The following BTBD8 variants were observed in gnomAD, a reference collection of about 807,000 sequenced individuals.
The protein encoded by BTBD8 is BTB/POZ domain-containing protein 8.
A neutral mutation model predicts 162.9 loss-of-function variants in BTBD8; 110 were observed. That is an observed-to-expected ratio of 0.68 (90% CI 0.58 to 0.79). The LOEUF is 0.79. Ranked by LOEUF, BTBD8 falls within the 30% of genes least tolerant of loss-of-function variation. BTBD8 has a pLI of 0.00. For synonymous variants in BTBD8, 667 were observed against 716.1 expected (o/e 0.93, Z 1.10); for missense variants, 1,905 against 2,085.4 (o/e 0.91, Z 1.68).
intron 4 of BTBD8, among the ~76,000 whole-genome samples, chr1:92,118,523 G>T (rs1649104587): frequency 6.6e-6 from 1 of 151,710 alleles, no homozygotes; most frequent in African/African-American, 2.4e-5. Flanking sequence ...TTTTCATCTG[G>T]TTTCTCCACT....
intron 3 of BTBD8, among the ~76,000 whole-genome samples, chr1:92,107,256 C>G (rs906552969): frequency 6.6e-6 from 1 of 151,590 alleles, no homozygotes; most frequent in African/African-American, 2.4e-5. Context: ...CATAAAGAGG[C>G]TTCATTTTTG....
chr1:92,124,271 T>A (rs377487451), intron 4 of BTBD8, among the ~76,000 whole-genome samples: 1 of 152,238 alleles, frequency 6.6e-6, no homozygotes, highest in Non-Finnish European at 1.5e-5. Flanking sequence ...TTTTTTTGCT[T>A]CTTTTCTTAA....
Position 92,180,774 on chromosome 1 carries a change from A to G in BTBD8, c.3091A>G (p.Ile1031Val), listed in dbSNP as rs1214009668. 1.9e-6 allele frequency: 3 copies of G among 1,551,664 alleles called. No homozygotes were observed. The highest frequency in any genetic ancestry group is 1.7e-4 in the Middle Eastern group (1 of 6,014). ...KEKLALECQN[I>V]SKLDKSLKHE... Reference sequence around the variant, plus strand: ...GAAGTTGGCGTTAGAATGCCAAAATATTTCAAAGCTGGATAAATCATTAAA... The same window carrying G: ...GAAGTTGGCGTTAGAATGCCAAAATGTTTCAAAGCTGGATAAATCATTAAA... Residue 1031 changes from isoleucine to valine, a missense_variant, in exon 17 of 18, where the codon ATT becomes GTT. Ile to Val is a conservative substitution (Grantham distance 29, BLOSUM62 3). Transcript: ENST00000636805.
Position 92,180,251 on chromosome 1 carries a change from C to A in BTBD8, c.2582-14C>A. On this transcript the variant is annotated splice_polypyrimidine_tract_variant and intron_variant, in intron 16 of 17. Coordinates refer to ENST00000636805, the MANE Select transcript of BTBD8 (RefSeq NM_001376131.1). ...GATATTACATTACTGAATATACCCTCTTACTTTTCTTAGGATCCCAAGGAG... is the reference window on the plus strand; with the variant it reads ...GATATTACATTACTGAATATACCCTATTACTTTTCTTAGGATCCCAAGGAG... 1 of 1,514,674 alleles carries A rather than the reference C, an allele frequency of 6.6e-7. No individual in the cohort carries two copies. The highest frequency in any genetic ancestry group is 8.8e-7 in the Non-Finnish European group (1 of 1,131,838). The allele number at this position is 1,514,674 out of a possible 1,614,324, so 93.8% of individuals were successfully genotyped here. A position where few individuals can be genotyped will look rare whatever the true frequency, so the allele number is the denominator to read the frequency against.
chr1:92,160,767 A>T (rs1327351703), intron 9 of BTBD8, among the ~76,000 whole-genome samples: 1 of 152,186 alleles, frequency 6.6e-6, no homozygotes, highest in Non-Finnish European at 1.5e-5. Flanking sequence ...GTCGCATGCA[A>T]CATCATCTAC....
chr1:92,102,107 C>T (rs1420985312), intron 2 of BTBD8, among the ~76,000 whole-genome samples: 2 of 152,112 alleles, frequency 1.3e-5, no homozygotes, highest in South Asian at 2.1e-4. Flanking sequence ...CTGCAACCTC[C>T]GCCTCCTGGG....
intron 2 of BTBD8, among the ~76,000 whole-genome samples, chr1:92,100,898 C>T (rs957771326): frequency 7.9e-5 from 12 of 152,158 alleles, no homozygotes; most frequent in East Asian, 5.8e-4. Flanking sequence ...CGTGAGCCAC[C>T]GCGCCTGGCT....
intron 13 of BTBD8, among the ~76,000 whole-genome samples, chr1:92,172,525 A>G (rs1385451134): frequency 6.6e-6 from 1 of 152,194 alleles, no homozygotes; most frequent in East Asian, 1.9e-4. Flanking sequence ...CAAAAATGTT[A>G]TTAATTATGG....
intron 4 of BTBD8, among the ~76,000 whole-genome samples, chr1:92,122,018 T>C (rs1215381295): frequency 6.6e-6 from 1 of 152,096 alleles, no homozygotes; most frequent in Non-Finnish European, 1.5e-5. Flanking sequence ...TTGTGTTCTC[T>C]ACACTGTAGG....
In BTBD8 at chr1:92,168,933, C is replaced by G. The variant is rs978485404; in HGVS notation, c.1511C>G (p.Ala504Gly). ...LWIFLVQSFYAVRHTESWKLM... is the reference protein window; with the variant it reads ...LWIFLVQSFYGVRHTESWKLM... ...ATCTTCCTGGTTCAGTCTTTCTATG[C>G]TGTTCGTCACACAGAAAGCTGGAAG... The change falls in exon 12 of 18, where the codon GCT becomes GGT. Residue 504 changes from alanine to glycine, a missense_variant. By Grantham distance (60) the Ala-to-Gly change is moderately conservative. This residue lies in a region of BTBD8 where 1,374 missense variants were observed against 1,442.7 expected (regional missense o/e 0.95). Coordinates refer to ENST00000636805, the MANE Select transcript of BTBD8 (RefSeq NM_001376131.1). 3.6e-5 allele frequency: 55 copies of G among 1,543,812 alleles called. No individual in the cohort carries two copies. The highest frequency in any genetic ancestry group is 4.6e-5 in the Non-Finnish European group (52 of 1,141,250).
chr1:92,168,747 A>G, intron 11 of BTBD8, 119 bp from the exon 12 acceptor site: 1 of 995,758 alleles, frequency 1.0e-6, no homozygotes, highest in Admixed American at 3.7e-5. Flanking sequence ...ACGATCTTAA[A>G]AATCTAAATG....
chr1:92,124,540 T>A (rs1388770865), intron 4 of BTBD8, among the ~76,000 whole-genome samples: 1 of 152,196 alleles, frequency 6.6e-6, no homozygotes, highest in Admixed American at 6.5e-5. Context: ...ATGATTGTGC[T>A]ACTGCACTCC....
intron 1 of BTBD8, among the ~76,000 whole-genome samples, chr1:92,084,057 A>G (rs75272535): frequency 2.6e-3 from 395 of 152,320 alleles, no homozygotes; most frequent in Middle Eastern, 0.01. Context: ...ACTAGCACCT[A>G]GTTATCCAAA....
chr1:92,181,081 C>T lies in BTBD8; in HGVS notation c.3398C>T (p.Thr1133Ile). ...DRENQVGRKD[T>I]NKQSSIKCVE... ...GAGAACCAAGTAGGGAGAAAAGATA[C>T]AAACAAACAATCAAGTATTAAATGT... The change falls in exon 17 of 18, where the codon ACA (threonine) becomes ATA (isoleucine). Residue 1133 changes from threonine (T) to isoleucine (I), a missense_variant. Transcript: ENST00000636805. 1 of 1,551,572 alleles carries T rather than the reference C, an allele frequency of 6.4e-7. No homozygotes were observed. The highest frequency in any genetic ancestry group is 8.7e-7 in the Non-Finnish European group (1 of 1,146,934).
intron 9 of BTBD8, among the ~76,000 whole-genome samples, chr1:92,159,661 C>G (rs1372517737): frequency 1.3e-5 from 2 of 152,090 alleles, no homozygotes; most frequent in Non-Finnish European, 2.9e-5. Context: ...ACAGTTTTGC[C>G]AGGTTTGGTA....
intron 4 of BTBD8, among the ~76,000 whole-genome samples, chr1:92,115,960 G>A (rs986619179): frequency 1.1e-4 from 17 of 151,910 alleles, no homozygotes; most frequent in Admixed American, 6.5e-4. Flanking sequence ...AATATGAAAC[G>A]TTTTTCCTTT....
intron 5 of BTBD8, among the ~76,000 whole-genome samples, chr1:92,136,957 T>G (rs557357369): frequency 6.6e-6 from 1 of 152,286 alleles, no homozygotes; most frequent in Non-Finnish European, 1.5e-5. Flanking sequence ...TTTTTTCACC[T>G]TGGGTACATT....
chr1:92,082,479 A>G (rs1449044202), intron 1 of BTBD8, among the ~76,000 whole-genome samples: 1 of 152,178 alleles, frequency 6.6e-6, no homozygotes, highest in Non-Finnish European at 1.5e-5. Context: ...TGAGTTGGGA[A>G]GACTTTATAG....
intron 4 of BTBD8, among the ~76,000 whole-genome samples, chr1:92,128,164 T>G (rs1649408934): frequency 1.3e-5 from 2 of 152,144 alleles, no homozygotes; most frequent in Admixed American, 1.3e-4. Flanking sequence ...TTGCCCAGGC[T>G]GGAGTGCGGT....
Sources: gnomAD v4.1 joint callset for allele counts (sites outside exome capture counted in the v4.1 genomes callset) on GRCh38, gnomAD v4.1.1 for gene constraint, gnomAD v4.1.1 regional missense constraint, MANE v1.5 for transcripts, NCBI Gene and HGNC (gene_info 2026-07-23, HGNC 2026-07-21) for gene names.